The following CSF2 variants were observed in gnomAD, a reference collection of about 807,000 sequenced individuals.
CSF2 encodes granulocyte-macrophage colony-stimulating factor.
A neutral mutation model predicts 13.5 loss-of-function variants in CSF2; 2 were observed. The observed-to-expected ratio is 0.15, with a 90% CI of 0.06 to 0.47. The LOEUF (loss-of-function observed/expected upper bound fraction) is 0.47, where lower values mean the gene tolerates loss of function less well. Ranked by LOEUF, CSF2 falls within the 20% of genes least tolerant of loss-of-function variation. CSF2 has a pLI of 0.97. For missense variants in CSF2, 141 were observed against 179.7 expected (o/e 0.78, Z 1.23); for synonymous variants, 66 against 69.2 (o/e 0.95, Z 0.23).
In CSF2 at chr5:132,075,859, C is replaced by G; in HGVS notation, c.*7C>G. 1 of 1,595,206 alleles carries G rather than the reference C, an allele frequency of 6.3e-7. No individual in the cohort carries two copies. On this transcript the variant is annotated 3_prime_UTR_variant, in exon 4 of 4. Transcript: ENST00000296871. Reference sequence around the variant, plus strand: ...GGAGCCAGTCCAGGAGTGAGACCGGCCAGATGAGGCTGGCCAAGCCGGGGA... The same window carrying G: ...GGAGCCAGTCCAGGAGTGAGACCGGGCAGATGAGGCTGGCCAAGCCGGGGA...
intron 2 of CSF2, among the ~76,000 whole-genome samples, chr5:132,074,600 G>A (rs1756676853): frequency 1.3e-5 from 2 of 152,188 alleles, no homozygotes; most frequent in African/African-American, 4.8e-5. Flanking sequence ...TCCTCTCCAG[G>A]TGCCGCTGAG....
At position 132,074,719 on chromosome 5, in the gene CSF2, C is replaced by A. The variant is rs13306289; in HGVS notation, c.202-91C>A. The A allele has an allele frequency of 2.8e-4, 446 of 1,601,378 alleles. 2 individuals are homozygous for A. The East Asian group carries it at 9.2e-3, about 33-fold the overall frequency. On this transcript the variant is annotated intron_variant, in intron 2 of 3. Transcript: ENST00000296871. ...CCCTCCCAAGCCCTACTCCTGGGGGCTGGGGGCAGCAGCAAAAAGGAGTGG... is the reference window on the plus strand; with the variant it reads ...CCCTCCCAAGCCCTACTCCTGGGGGATGGGGGCAGCAGCAAAAAGGAGTGG...
chr5:132,074,512 C>T (rs1405601738), intron 2 of CSF2, among the ~76,000 whole-genome samples: 1 of 152,134 alleles, frequency 6.6e-6, no homozygotes, highest in Non-Finnish European at 1.5e-5. Context: ...CCTTGCCCAC[C>T]CAGCAGGTCC....
rs1756696361 is a variant in CSF2 at position 132,075,730 on chromosome 5, TTTC to T, written c.328-12_328-10del. 3 of 1,591,418 alleles carry T rather than the reference TTTC, an allele frequency of 1.9e-6. No homozygotes were observed. The highest frequency in any genetic ancestry group is 3.3e-4 in the Middle Eastern group (2 of 6,016). ...TGCCTGGACTCAAGTGTTTTTTATT[TTTC>T]TTTTTTTAAAGGAAACTTCCTGTGC... is the stretch of plus-strand genomic sequence containing the variant. On this transcript the variant is annotated splice_polypyrimidine_tract_variant and intron_variant, in intron 3 of 3. Transcript: ENST00000296871.
At position 132,074,241 on chromosome 5, in the gene CSF2, C is replaced by T. The variant is rs185902755; in HGVS notation, c.201+119C>T. 658 of 1,211,774 alleles carry T rather than the reference C, an allele frequency of 5.4e-4. 2 individuals are homozygous for T. In the African/African-American group the frequency reaches 7.6e-3, roughly 14 times the overall value. The allele number at this position is 1,211,774 out of a possible 1,614,324, so 75.1% of individuals were successfully genotyped here. A position where few individuals can be genotyped will look rare whatever the true frequency, so the allele number is the denominator to read the frequency against. On this transcript the variant is annotated intron_variant, in intron 2 of 3. Transcript: ENST00000296871. ...CACTTTCTCTCCAGTCAGCTGGCTG[C>T]AGGAGGAGGGGGTAGCAACTGGGTG...
chr5:132,074,950 C>T lies in CSF2; in HGVS notation c.327+15C>T. 6.2e-7 allele frequency: 1 copy of T among 1,613,142 alleles called. No individual in the cohort carries two copies. The highest frequency in any genetic ancestry group is 8.5e-7 in the Non-Finnish European group (1 of 1,180,010). ...CTCCAACCCCGGTGAGTGCCTACGGCAGGGCCTCCAGCAGGAATGTCTTAA... is the reference window on the plus strand; with the variant it reads ...CTCCAACCCCGGTGAGTGCCTACGGTAGGGCCTCCAGCAGGAATGTCTTAA... On this transcript the variant is annotated intron_variant, in intron 3 of 3. Coordinates refer to ENST00000296871, the MANE Select transcript of CSF2 (RefSeq NM_000758.4).
At chr5:132,075,693 A>T in intron 3 of CSF2, 52 bp from the exon 4 acceptor site, 1 of 1,373,622 alleles carries the variant, frequency 7.3e-7, no homozygotes, top group Non-Finnish European at 1.0e-6. Context: ...TCCTTCCCCC[A>T]CGTTACCCAC....
At chr5:132,075,402 GC>G (rs1400080271) in intron 3 of CSF2, among the ~76,000 whole-genome samples, 1 of 152,250 alleles carries the variant, frequency 6.6e-6, no homozygotes, top group African/African-American at 2.4e-5. Flanking sequence ...AAAGTTTGTG[GC>G]CTTGACTCCA....
rs1756669773 is a variant in CSF2 at position 132,074,063 on chromosome 5, C to T, written c.160-18C>T. Reference sequence around the variant, plus strand: ...CACGCCTGTCAGCTTGATAACATGACATTTTCCTTTTCTACAGAATGAAAC... The same window carrying T: ...CACGCCTGTCAGCTTGATAACATGATATTTTCCTTTTCTACAGAATGAAAC... On this transcript the variant is annotated intron_variant, in intron 1 of 3. Transcript: ENST00000296871. 1.2e-6 allele frequency: 2 copies of T among 1,613,816 alleles called. No individual in the cohort carries two copies. Among genetic ancestry groups the T allele is most frequent in the African/African-American group, 1.3e-5 (1 of 74,940 alleles).
chr5:132,073,955 C>A lies in CSF2; in HGVS notation c.132C>A (p.Asn44Lys). 1 of 1,613,498 alleles carries A rather than the reference C, an allele frequency of 6.2e-7. No homozygotes were observed. The highest frequency in any genetic ancestry group is 8.5e-7 in the Non-Finnish European group (1 of 1,180,040). ...TCCAGGAGGCCCGGCGTCTCCTGAA[C>A]CTGAGTAGAGACACTGCTGCTGAGA... ...NAIQEARRLL[N>K]LSRDTAAEMN... The change falls in exon 1 of 4, where the codon AAC becomes AAA. Residue 44 changes from asparagine to lysine, a missense_variant. Physicochemically the swap from Asn to Lys is moderately conservative, Grantham distance 94. Transcript: ENST00000296871.
intron 3 of CSF2, among the ~76,000 whole-genome samples, chr5:132,075,219 AGGAAACTTGGG>A (rs1187227858): frequency 8.5e-5 from 13 of 152,254 alleles, no homozygotes; most frequent in African/African-American, 3.1e-4. Context: ...GGCAAACCCA[AGGAAACTTGGG>A]GCCTGCCCAA....
At chr5:132,074,230 T>G (rs1413298544) in intron 2 of CSF2, 108 bp downstream of exon 2, 1 of 1,306,118 alleles carries the variant, frequency 7.7e-7, no homozygotes, top group Non-Finnish European at 1.1e-6. Context: ...TTCTCTCCAG[T>G]CAGCTGGCTG....
intron 2 of CSF2, 21 bp from the exon 3 acceptor site, chr5:132,074,789 G>T (rs1037175631): frequency 1.2e-6 from 2 of 1,613,686 alleles, no homozygotes; most frequent in African/African-American, 2.7e-5. Context: ...ACTGCTCACC[G>T]ACGAACGACA....
In CSF2 at chr5:132,074,087, A is replaced by G. The variant is rs751348663; in HGVS notation, c.166A>G (p.Thr56Ala). Residue 56 changes from threonine (T) to alanine (A), a missense_variant, in exon 2 of 4, where the codon ACA becomes GCA. Coordinates refer to ENST00000296871, the MANE Select transcript of CSF2 (RefSeq NM_000758.4). ...ACATTTTCCTTTTCTACAGAATGAA[A>G]CAGTAGAAGTCATCTCAGAAATGTT... ...SRDTAAEMNE[T>A]VEVISEMFDL... is the part of the protein sequence containing the mutation. The G allele has an allele frequency of 6.8e-6, 11 of 1,613,964 alleles. No individual in the cohort carries two copies. Among genetic ancestry groups the G allele is most frequent in the Non-Finnish European group, 9.3e-6 (11 of 1,180,044 alleles).
chr5:132,075,034 G>T, intron 3 of CSF2, 99 bp downstream of exon 3: 1 of 1,572,230 alleles, frequency 6.4e-7, no homozygotes, highest in South Asian at 1.1e-5. Flanking sequence ...CAGGACCCCA[G>T]GGGGTTTCTG....
chr5:132,073,949 C>A lies in CSF2; in HGVS notation c.126C>A (p.Leu42=), dbSNP rs1378632569. 2.5e-6 allele frequency: 4 copies of A among 1,613,370 alleles called. No individual in the cohort carries two copies. Among genetic ancestry groups the A allele is most frequent in the Non-Finnish European group, 3.4e-6 (4 of 1,180,042 alleles). The change falls in exon 1 of 4, where the codon CTC becomes CTA. Residue 42 remains leucine, a synonymous_variant. Transcript: ENST00000296871. ...HVNAIQEARR[L]LNLSRDTAAE... is the part of the protein sequence containing the mutation. Reference sequence around the variant, plus strand: ...ATGCCATCCAGGAGGCCCGGCGTCTCCTGAACCTGAGTAGAGACACTGCTG... The same window carrying A: ...ATGCCATCCAGGAGGCCCGGCGTCTACTGAACCTGAGTAGAGACACTGCTG...
rs777654384 is a variant in CSF2 at position 132,073,888 on chromosome 5, C to T, written c.65C>T (p.Ser22Leu). The change falls in exon 1 of 4, where the codon TCG (serine) becomes TTG (leucine). Residue 22 changes from serine to leucine, a missense_variant. Coordinates refer to ENST00000296871, the MANE Select transcript of CSF2 (RefSeq NM_000758.4). Reference protein sequence around the residue: ...VACSISAPARSPSPSTQPWEH... With the variant: ...VACSISAPARLPSPSTQPWEH... ...TGCAGCATCTCTGCACCCGCCCGCT[C>T]GCCCAGCCCCAGCACGCAGCCCTGG... 19 of 1,613,160 alleles carry T rather than the reference C, an allele frequency of 1.2e-5. No homozygotes were observed. The highest frequency in any genetic ancestry group is 3.3e-5 in the South Asian group (3 of 91,074).
In CSF2 at chr5:132,076,041, A is replaced by G. The variant is rs1237299477; in HGVS notation, c.*189A>G. ...AGAAGAATGGGAATATTTTATACTG[A>G]CAGAAATCAGTAATATTTATATATT... On this transcript the variant is annotated 3_prime_UTR_variant, in exon 4 of 4. Transcript: ENST00000296871. 7.7e-6 allele frequency: 3 copies of G among 391,816 alleles called. No individual in the cohort carries two copies. The highest frequency in any genetic ancestry group is 1.4e-5 in the Non-Finnish European group (3 of 217,950). 24.3% of individuals were successfully genotyped at this position (391,816 alleles called of 1,614,324 possible).
intron 2 of CSF2, 130 bp downstream of exon 2, chr5:132,074,252 G>A: frequency 1.9e-6 from 2 of 1,062,512 alleles, no homozygotes; most frequent in South Asian, 1.3e-5. Flanking sequence ...AGGAGGAGGG[G>A]GTAGCAACTG....
Sources: gnomAD v4.1 joint callset for allele counts (sites outside exome capture counted in the v4.1 genomes callset) on GRCh38, gnomAD v4.1.1 for gene constraint, MANE v1.5 for transcripts, NCBI Gene and HGNC (gene_info 2026-07-23, HGNC 2026-07-21) for gene names.